Variants in DRC5 observed in about 807,000 individuals in gnomAD.
DRC5 encodes dynein regulatory complex subunit 5.
At chr6:44,282,360 G>A in the DRC5 span, 1 of 1,614,192 alleles carries the variant, frequency 6.2e-7, no homozygotes. Context: ...CTGGGCACCG[G>A]GTGCACGCAC....
chr6:44,282,205 C>A, the DRC5 span: 1 of 1,614,150 alleles, frequency 6.2e-7, no homozygotes, highest in Non-Finnish European at 8.5e-7. Flanking sequence ...TCAGACAGCT[C>A]ATTGCCACCG....
At chr6:44,283,578 A>G in the DRC5 span, among the ~76,000 whole-genome samples, 2 of 151,958 alleles carry the variant, frequency 1.3e-5, no homozygotes, top group African/African-American at 4.8e-5. Flanking sequence ...TACCCAGCTG[A>G]GTCCTTTGTG....
At chr6:44,282,749 T>C in the DRC5 span, among the ~76,000 whole-genome samples, 2 of 151,860 alleles carry the variant, frequency 1.3e-5, no homozygotes, top group African/African-American at 4.8e-5. Flanking sequence ...TCACTGTTTA[T>C]TGAGCAATTA....
At chr6:44,287,668 T>G in the DRC5 span, 1 of 1,614,076 alleles carries the variant, frequency 6.2e-7, no homozygotes, top group Non-Finnish European at 8.5e-7. Context: ...GGCCCTGGGA[T>G]GTGGGTTCCT....
chr6:44,283,082 G>T, the DRC5 span, among the ~76,000 whole-genome samples: 15 of 152,138 alleles, frequency 9.9e-5, no homozygotes, highest in African/African-American at 3.4e-4. Context: ...GAATACAGGC[G>T]TGAGCCACCG....
At chr6:44,287,842 G>A in the DRC5 span, 35 of 1,608,476 alleles carry the variant, frequency 2.2e-5, no homozygotes, top group African/African-American at 3.6e-4. Context: ...GGCTGGCAAG[G>A]TAGGGGTGCG....
At chr6:44,287,533 G>A in the DRC5 span, 1 of 1,592,972 alleles carries the variant, frequency 6.3e-7, no homozygotes, top group Non-Finnish European at 8.6e-7. Context: ...CCCACCTAAA[G>A]CAGGGACAGA....
chr6:44,282,228 G>T, the DRC5 span: 2 of 1,614,096 alleles, frequency 1.2e-6, no homozygotes, highest in African/African-American at 2.7e-5. Flanking sequence ...GTGCAGCGTG[G>T]TGAGGCACTT....
chr6:44,284,254 G>A, the DRC5 span, among the ~76,000 whole-genome samples: 5 of 151,774 alleles, frequency 3.3e-5, no homozygotes, highest in South Asian at 2.1e-4. Context: ...ATTCCACCCC[G>A]TTGCTCACTC....
chr6:44,279,043 G>A, the DRC5 span: 2 of 152,286 alleles, frequency 1.3e-5, no homozygotes, highest in Admixed American at 6.5e-5. Context: ...AGGAGTCCCT[G>A]GAGAGCAGGC....
the DRC5 span, among the ~76,000 whole-genome samples, chr6:44,297,235 G>C: frequency 2.0e-5 from 3 of 152,196 alleles, no homozygotes; most frequent in Non-Finnish European, 4.4e-5. Context: ...GGAAGCTTCC[G>C]CACCCGCGGG....
the DRC5 span, chr6:44,287,191 T>C: frequency 1.0e-6 from 1 of 985,262 alleles, no homozygotes; most frequent in East Asian, 1.1e-4. Flanking sequence ...AGCCCTTACA[T>C]GGCATGGAAG....
chr6:44,288,956 T>C, the DRC5 span, among the ~76,000 whole-genome samples: 1 of 111,954 alleles, frequency 8.9e-6, no homozygotes, highest in South Asian at 3.1e-4. Flanking sequence ...ACTGTGCTAC[T>C]GCCCTCCAGC....
chr6:44,281,529 T>C, the DRC5 span, among the ~76,000 whole-genome samples: 1 of 152,100 alleles, frequency 6.6e-6, no homozygotes, highest in Non-Finnish European at 1.5e-5. Context: ...GGGTTACAGG[T>C]GCATGCCACC....
At chr6:44,296,163 G>A in the DRC5 span, among the ~76,000 whole-genome samples, 1 of 152,216 alleles carries the variant, frequency 6.6e-6, no homozygotes, top group African/African-American at 2.4e-5. Flanking sequence ...TCTGTCTAAT[G>A]CTCTTACTTC....
At chr6:44,293,790 G>A in the DRC5 span, among the ~76,000 whole-genome samples, 2 of 152,164 alleles carry the variant, frequency 1.3e-5, no homozygotes, top group East Asian at 1.9e-4. Context: ...GGAATTTCAC[G>A]GCCCTAATGT....
chr6:44,293,434 G>C, the DRC5 span, among the ~76,000 whole-genome samples: 1 of 151,876 alleles, frequency 6.6e-6, no homozygotes, highest in Non-Finnish European at 1.5e-5. Context: ...CCAACATAGT[G>C]AGATGCCGTC....
the DRC5 span, chr6:44,282,283 C>T: frequency 7.4e-6 from 12 of 1,614,170 alleles, no homozygotes; most frequent in Middle Eastern, 4.9e-4. Flanking sequence ...CCCTCATCCT[C>T]GATGCAGTTG....
chr6:44,287,587 G>T, the DRC5 span: 2 of 1,614,002 alleles, frequency 1.2e-6, no homozygotes, highest in Non-Finnish European at 1.7e-6. Flanking sequence ...GCAGAGCTCT[G>T]TGAGGAGGGG....
Sources: allele counts gnomAD v4.1 joint callset (sites outside exome capture counted in the v4.1 genomes callset), GRCh38; gene constraint gnomAD v4.1.1; transcripts MANE v1.5; gene names NCBI Gene and HGNC (gene_info 2026-07-23, HGNC 2026-07-21).